The following SERAC1 variants were observed in gnomAD, a reference collection of about 807,000 sequenced individuals.
SERAC1 encodes the protein protein SERAC1.
SERAC1 carries 36 observed loss-of-function variants against 85.7 expected under a neutral mutation model. That is an observed-to-expected ratio of 0.42 (90% CI 0.32 to 0.55). The LOEUF (loss-of-function observed/expected upper bound fraction) is 0.55. Ranked by LOEUF, SERAC1 falls within the 20% of genes least tolerant of loss-of-function variation. The pLI is 0.11. For missense variants in SERAC1, 629 were observed against 796.2 expected, an observed-to-expected ratio of 0.79 and a Z score of 2.53; for synonymous variants, 242 against 265.3, an observed-to-expected ratio of 0.91 and a Z score of 0.85.
chr6:158,158,866 A>T (rs1003789537), intron 1 of SERAC1: 2 of 152,334 alleles, frequency 1.3e-5, no homozygotes, highest in Non-Finnish European at 2.9e-5. Flanking sequence ...TCAGGATAGT[A>T]CCCACGTTGT....
chr6:158,140,796 C>G (rs914599385), intron 8 of SERAC1, among the ~76,000 whole-genome samples: 5 of 152,146 alleles, frequency 3.3e-5, no homozygotes, highest in Non-Finnish European at 5.9e-5. Context: ...TTGAAGGACA[C>G]TGAGCTGATG....
intron 1 of SERAC1, chr6:158,161,552 A>G (rs528598165): frequency 2.6e-5 from 4 of 152,206 alleles, no homozygotes; most frequent in Admixed American, 2.6e-4. Flanking sequence ...AATAGCAAAG[A>G]AGTTTAAGAA....
chr6:158,114,688 T>TTATAAAATGAGATAATACATTCAAGGAA (rs150169784), intron 15 of SERAC1, 101 bp downstream of exon 15: 698,003 of 1,429,112 alleles, frequency 0.49, 179,977 homozygotes, highest in African/African-American at 0.59. Context: ...TATATACAAA[T>TTATAAAATGAGATAATACATTCAAGGAA]TATAAAATGA....
At chr6:158,164,996 G>A (rs921844430) in intron 1 of SERAC1, among the ~76,000 whole-genome samples, 9 of 152,128 alleles carry the variant, frequency 5.9e-5, no homozygotes, top group Admixed American at 2.6e-4. Context: ...TATTAAGGAC[G>A]GTAGAGCAGC....
In SERAC1 at chr6:158,110,593, G is replaced by A. The variant is rs1437980458; in HGVS notation, c.*773C>T. ...AGGTTTATTTAGCCAAAGAGAATCT[G>A]AGAATCTTGATACTAAGAATTGCTA... On this transcript the variant is annotated 3_prime_UTR_variant, in exon 17 of 17. Transcript: ENST00000647468. 1 of 152,174 alleles carries A rather than the reference G, an allele frequency of 6.6e-6. No individual in the cohort carries two copies. The highest frequency in any genetic ancestry group is 1.9e-4 in the East Asian group (1 of 5,196). The allele number at this position is 152,174 out of a possible 1,614,324, so 9.4% of individuals were successfully genotyped here.
At chr6:158,148,992 A>G in intron 4 of SERAC1, 38 bp from the exon 5 acceptor site, 1 of 1,273,648 alleles carries the variant, frequency 7.9e-7, no homozygotes, top group Non-Finnish European at 1.1e-6. Flanking sequence ...CCAAGAATGT[A>G]TTTTTTTTTT....
chr6:158,158,181 G>T, intron 2 of SERAC1, 92 bp downstream of exon 2: 2 of 851,910 alleles, frequency 2.3e-6, no homozygotes, highest in Non-Finnish European at 3.8e-6. Flanking sequence ...TTTAATCATG[G>T]GTTCAAAAAG....
chr6:158,165,997 A>G (rs1785590702), intron 1 of SERAC1: 1 of 152,206 alleles, frequency 6.6e-6, no homozygotes, highest in Non-Finnish European at 1.5e-5. Context: ...ATGTCACTGA[A>G]CTCAACAACT....
intron 8 of SERAC1, among the ~76,000 whole-genome samples, chr6:158,139,336 GTTCTTACAATTCATCAATATAAAGAA>G (rs1424296804): frequency 6.6e-6 from 1 of 152,072 alleles, no homozygotes; most frequent in East Asian, 1.9e-4. Context: ...TATACAAAGA[GTTCTTACAATTCATCAATATAAAGAA>G]TTCTTACAAT....
intron 7 of SERAC1, 123 bp from the exon 8 acceptor site, chr6:158,143,307 C>T: frequency 3.6e-6 from 1 of 277,282 alleles, no homozygotes; most frequent in Non-Finnish European, 6.6e-6. Context: ...GTGTGCATGT[C>T]TCTCTCTCTC....
At chr6:158,144,480 T>C in intron 6 of SERAC1, 60 bp from the exon 7 acceptor site, 1 of 1,475,054 alleles carries the variant, frequency 6.8e-7, no homozygotes, top group Non-Finnish European at 9.2e-7. Flanking sequence ...GTCATAAAGA[T>C]TAACTGAACA....
At chr6:158,143,261 C>A in intron 7 of SERAC1, 77 bp from the exon 8 acceptor site, 3 of 1,487,022 alleles carry the variant, frequency 2.0e-6, no homozygotes, top group Non-Finnish European at 2.7e-6. Flanking sequence ...AGACTCAAAG[C>A]CAATATTTGC....
At chr6:158,114,655 T>A in intron 15 of SERAC1, 134 bp downstream of exon 15, 1 of 759,100 alleles carries the variant, frequency 1.3e-6, no homozygotes, top group Non-Finnish European at 1.6e-6. Flanking sequence ...ACCCAAAATT[T>A]CCATGAATAG....
chr6:158,167,441 G>A (rs769754936), intron 1 of SERAC1, among the ~76,000 whole-genome samples: 74 of 151,174 alleles, frequency 4.9e-4, no homozygotes, highest in Admixed American at 1.1e-3. Flanking sequence ...GGGAGAATGA[G>A]GCAGGATAAT....
chr6:158,121,477 G>T (rs550259973), intron 10 of SERAC1, among the ~76,000 whole-genome samples: 122 of 152,272 alleles, frequency 8.0e-4, no homozygotes, highest in Non-Finnish European at 1.7e-3. Flanking sequence ...TGAACTAGAG[G>T]AAGGTTTTAA....
intron 1 of SERAC1, among the ~76,000 whole-genome samples, chr6:158,167,076 GA>G (rs1206143250): frequency 1.3e-5 from 2 of 152,064 alleles, no homozygotes; most frequent in Admixed American, 1.3e-4. Context: ...AGATACTTGG[GA>G]AGAAGAAGAC....
At chr6:158,135,557 T>C (rs1784773833) in intron 8 of SERAC1, among the ~76,000 whole-genome samples, 1 of 152,016 alleles carries the variant, frequency 6.6e-6, no homozygotes, top group Admixed American at 6.6e-5. Flanking sequence ...CATAAAAGAA[T>C]TACCGGGAAA....
At chr6:158,136,510 G>T (rs1194488761) in intron 8 of SERAC1, among the ~76,000 whole-genome samples, 3 of 152,070 alleles carry the variant, frequency 2.0e-5, no homozygotes, top group African/African-American at 7.2e-5. Flanking sequence ...TTAGAGATGG[G>T]GTTTCACTAT....
chr6:158,143,501 T>C (rs1191651835), intron 7 of SERAC1, among the ~76,000 whole-genome samples: 1 of 152,110 alleles, frequency 6.6e-6, no homozygotes, highest in Non-Finnish European at 1.5e-5. Flanking sequence ...TTGAATTCTA[T>C]ACTTTCATGT....
Sources: allele counts gnomAD v4.1 joint callset (sites outside exome capture counted in the v4.1 genomes callset), GRCh38; gene constraint gnomAD v4.1.1; transcripts MANE v1.5; gene names NCBI Gene and HGNC (gene_info 2026-07-23, HGNC 2026-07-21).